The following MYPN variants were observed in gnomAD, a reference collection of about 807,000 sequenced individuals.
MYPN encodes the protein myopalladin, also known as sarcomeric protein myopalladin, 145 kDa (MYOP).
Under a neutral mutation model 129.4 loss-of-function variants are expected in MYPN, and 63 were observed. The ratio of observed to expected loss-of-function variants is 0.49; its 90% CI spans 0.40 to 0.60. The LOEUF is 0.60. Ranked by LOEUF, MYPN falls within the 20% of genes least tolerant of loss-of-function variation. The probability of loss-of-function intolerance (pLI) is 0.00; values close to 1 mark genes in which losing one functional copy is unlikely to be tolerated. For missense variants in MYPN, 1,596 were observed against 1,635.4 expected, an observed-to-expected ratio of 0.98 and a Z score of 0.42; for synonymous variants, 629 against 600.9, an observed-to-expected ratio of 1.05 and a Z score of -0.68.
intron 6 of MYPN, among the ~76,000 whole-genome samples, chr10:68,156,912 A>T (rs2042884890): frequency 2.0e-5 from 3 of 152,236 alleles, no homozygotes; most frequent in Admixed American, 6.5e-5. Context: ...AACCTTTTTT[A>T]TGCTTACAGT....
chr10:68,106,520 T>A (rs763223878), upstream of MYPN: 4 of 626,956 alleles, frequency 6.4e-6, no homozygotes, highest in South Asian at 5.1e-5. Flanking sequence ...CTTTCTCTGT[T>A]TTTCAAAAAT....
chr10:68,136,086 A>G, intron 2 of MYPN: 1 of 271,250 alleles, frequency 3.7e-6, no homozygotes, highest in Non-Finnish European at 5.6e-6. Context: ...AATGAGTCAT[A>G]ATATTTATCC....
chr10:68,115,146 C>T (rs1366257675), intron 1 of MYPN, among the ~76,000 whole-genome samples: 4 of 151,340 alleles, frequency 2.6e-5, no homozygotes, highest in African/African-American at 9.7e-5. Context: ...GGAATCCCAG[C>T]TACTCAGGAG....
At chr10:68,207,815 G>A (rs2043841561) in intron 19 of MYPN, among the ~76,000 whole-genome samples, 1 of 152,110 alleles carries the variant, frequency 6.6e-6, no homozygotes, top group Non-Finnish European at 1.5e-5. Flanking sequence ...TTACATGAGA[G>A]TAACAACATT....
intron 8 of MYPN, chr10:68,165,448 C>A: frequency 1.9e-6 from 1 of 536,462 alleles, no homozygotes; most frequent in Non-Finnish European, 3.6e-6. Flanking sequence ...CGAGACTCCA[C>A]CTAAAAAAAC....
intron 10 of MYPN, among the ~76,000 whole-genome samples, chr10:68,170,471 A>G (rs1316832718): frequency 6.6e-6 from 1 of 152,102 alleles, no homozygotes; most frequent in African/African-American, 2.4e-5. Flanking sequence ...CATGCCTACA[A>G]CCTTTTCTTA....
chr10:68,142,214 A>G (rs1197571866), intron 2 of MYPN, among the ~76,000 whole-genome samples: 1 of 152,226 alleles, frequency 6.6e-6, no homozygotes, highest in Admixed American at 6.5e-5. Flanking sequence ...CCAATCTTCT[A>G]CGTGAAGAAT....
intron 2 of MYPN, among the ~76,000 whole-genome samples, chr10:68,133,091 T>C (rs112312762): frequency 6.8e-6 from 1 of 148,030 alleles, no homozygotes; most frequent in Non-Finnish European, 1.5e-5. Flanking sequence ...AGTGGCATGA[T>C]CTCGACTCAC....
intron 12 of MYPN, among the ~76,000 whole-genome samples, chr10:68,180,086 C>T (rs2043291376): frequency 1.3e-5 from 2 of 152,136 alleles, no homozygotes; most frequent in African/African-American, 4.8e-5. Context: ...ATAATAGGTA[C>T]TTACTAAGAA....
At chr10:68,188,883 A>C (rs1324809411) in intron 12 of MYPN, 22 bp from the exon 13 acceptor site, 2 of 1,604,488 alleles carry the variant, frequency 1.2e-6, no homozygotes, top group Non-Finnish European at 8.5e-7. Context: ...TGGAAATTGA[A>C]ACACGTTTGT....
At chr10:68,143,742 T>TTTTTG (rs533390464) in intron 3 of MYPN, among the ~76,000 whole-genome samples, 37 of 152,048 alleles carry the variant, frequency 2.4e-4, no homozygotes, top group Middle Eastern at 3.4e-3. Context: ...GTTTTTTTGT[T>TTTTTG]TTTTGTTTTG....
intron 19 of MYPN, 66 bp from the exon 20 acceptor site, chr10:68,210,220 C>A (rs939169417): frequency 6.4e-7 from 1 of 1,570,606 alleles, no homozygotes; most frequent in South Asian, 1.1e-5. Context: ...ACAGAATGCA[C>A]CTCTGCAGCG....
chr10:68,121,467 C>T lies in MYPN; in HGVS notation c.29C>T (p.Thr10Ile). Residue 10 changes from threonine (T) to isoleucine (I), a missense_variant, in exon 2 of 20, where the codon ACT (threonine) becomes ATT (isoleucine). Physicochemically the swap from Thr to Ile is moderately conservative, Grantham distance 89. Coordinates refer to ENST00000358913, the MANE Select transcript of MYPN (RefSeq NM_032578.4). Reference protein sequence around the residue: MQDDSIEASTSISQLLRESY... With the variant: MQDDSIEASISISQLLRESY... ...CAAGACGACAGCATAGAAGCTTCTA[C>T]TTCCATATCTCAGCTTCTAAGAGAG... 1 of 1,613,156 alleles carries T rather than the reference C, an allele frequency of 6.2e-7. No individual in the cohort carries two copies. Among genetic ancestry groups the T allele is most frequent in the East Asian group, 2.2e-5 (1 of 44,864 alleles).
intron 12 of MYPN, among the ~76,000 whole-genome samples, chr10:68,186,655 T>C (rs1473338805): frequency 6.6e-6 from 1 of 152,208 alleles, no homozygotes; most frequent in Non-Finnish European, 1.5e-5. Context: ...ATTTGATTCA[T>C]GTATTCACTC....
intron 2 of MYPN, among the ~76,000 whole-genome samples, chr10:68,137,039 A>T (rs2134044324): frequency 6.6e-6 from 1 of 152,318 alleles, no homozygotes; most frequent in African/African-American, 2.4e-5. Context: ...TATTTTATTT[A>T]TTAATCATAT....
At chr10:68,206,690 C>A in intron 18 of MYPN, 80 bp from the exon 19 acceptor site, 1 of 1,597,736 alleles carries the variant, frequency 6.3e-7, no homozygotes. Flanking sequence ...TGAGTTCCCC[C>A]TTCTTCCTGG....
At chr10:68,107,553 G>A (rs1589516047), upstream of MYPN, among the ~76,000 whole-genome samples, 2 of 149,262 alleles carry the variant, frequency 1.3e-5, no homozygotes, top group East Asian at 3.9e-4. Flanking sequence ...GTTTCGCTAC[G>A]TTGCCCAGGC....
chr10:68,174,706 G>A (rs1340724528), intron 11 of MYPN, 50 bp downstream of exon 11: 3 of 1,556,020 alleles, frequency 1.9e-6, no homozygotes, highest in East Asian at 4.5e-5. Context: ...AAGAGTCGAT[G>A]TGCACATTGA....
At chr10:68,177,737 G>A (rs981823676) in intron 12 of MYPN, among the ~76,000 whole-genome samples, 2 of 152,164 alleles carry the variant, frequency 1.3e-5, no homozygotes, top group Non-Finnish European at 2.9e-5. Flanking sequence ...CCTGCAGTCC[G>A]GGGTCACAGG....
Sources: allele counts gnomAD v4.1 joint callset (sites outside exome capture counted in the v4.1 genomes callset), GRCh38; gene constraint gnomAD v4.1.1; transcripts MANE v1.5; gene names NCBI Gene and HGNC (gene_info 2026-07-23, HGNC 2026-07-21).